The following EIF3B variants were observed in gnomAD, a reference collection of about 807,000 sequenced individuals.
EIF3B encodes the protein eukaryotic translation initiation factor 3 subunit B.
A neutral mutation model predicts 104.6 loss-of-function variants in EIF3B; 10 were observed. The observed-to-expected ratio is 0.10, with a 90% CI of 0.06 to 0.16. EIF3B has a LOEUF of 0.16. EIF3B is among the 10% of genes least tolerant of loss of function. The pLI, the probability that EIF3B is intolerant of heterozygous loss-of-function variation, is 1.00. For synonymous variants in EIF3B, 542 were observed against 417.2 expected (o/e 1.30, Z -3.65); for missense variants, 1,014 against 1,087.9 (o/e 0.93, Z 0.96).
At chr7:2,376,388 T>TGAACACTTA (rs1422054344) in intron 14 of EIF3B, 1 of 150,934 alleles carries the variant, frequency 6.6e-6, no homozygotes, top group African/African-American at 2.4e-5. Flanking sequence ...CCTTGAGTTA[T>TGAACACTTA]GAACACTTAG....
chr7:2,379,473 C>G lies in EIF3B; in HGVS notation c.2421C>G (p.Ile807Met), dbSNP rs1364827221. 1 of 1,581,282 alleles carries G rather than the reference C, an allele frequency of 6.3e-7. No homozygotes were observed. The highest frequency in any genetic ancestry group is 1.2e-5 in the South Asian group (1 of 86,282). The change falls in exon 18 of 19, where the codon ATC (isoleucine) becomes ATG (methionine). Residue 807 changes from isoleucine to methionine, a missense_variant. Coordinates refer to ENST00000360876, the MANE Select transcript of EIF3B (RefSeq NM_001037283.2). Reference sequence around the variant, plus strand: ...TTGAGTTCTTCGTCACTGAAGAAATCATTCCCCTCGGGAATCAGGAGTGAC... The same window carrying G: ...TTGAGTTCTTCGTCACTGAAGAAATGATTCCCCTCGGGAATCAGGAGTGAC... The part of the protein sequence containing the change: ...ETIEFFVTEE[I>M]IPLGNQE
chr7:2,378,897 C>T lies in EIF3B; in HGVS notation c.2232+131C>T, dbSNP rs981381803. On this transcript the variant is annotated intron_variant, in intron 16 of 18. Coordinates refer to ENST00000360876, the MANE Select transcript of EIF3B (RefSeq NM_001037283.2). Reference sequence around the variant, plus strand: ...CGAAGACACTGGTTCTGTTCCCCCCCAGGAGGGATGCACTGGGGAACTGGG... The same window carrying T: ...CGAAGACACTGGTTCTGTTCCCCCCTAGGAGGGATGCACTGGGGAACTGGG... The T allele has an allele frequency of 4.5e-6, 4 of 880,564 alleles. No homozygotes were observed. The Admixed American group carries it at 6.9e-5, about 15-fold the overall frequency. 54.5% of individuals were successfully genotyped at this position (880,564 alleles called of 1,614,324 possible).
At position 2,363,125 on chromosome 7, in the gene EIF3B, C is replaced by G; in HGVS notation, c.868C>G (p.Leu290Val). Residue 290 changes from leucine to valine, a missense_variant and splice_region_variant, in exon 4 of 19, where the codon CTG (leucine) becomes GTG (valine). Coordinates refer to ENST00000360876, the MANE Select transcript of EIF3B (RefSeq NM_001037283.2). ...TCCAGAGAAACAGCCTTTCAAAGACCTGGTGAGTGGCCTGAAACCTACATC... is the reference window on the plus strand; with the variant it reads ...TCCAGAGAAACAGCCTTTCAAAGACGTGGTGAGTGGCCTGAAACCTACATC... Reference protein sequence around the residue: ...DIPEKQPFKDLGNLRYWLEEA... With the variant: ...DIPEKQPFKDVGNLRYWLEEA... 6.2e-7 allele frequency: 1 copy of G among 1,613,934 alleles called. No homozygotes were observed.
At chr7:2,378,921 G>A (rs1323022053) in intron 16 of EIF3B, 155 bp downstream of exon 16, 1 of 770,908 alleles carries the variant, frequency 1.3e-6, no homozygotes, top group Non-Finnish European at 2.1e-6. Context: ...TGGGGAACTG[G>A]GGTTGGCACG....
chr7:2,364,277 G>A (rs1186068481), intron 5 of EIF3B, 95 bp from the exon 6 acceptor site: 3 of 1,205,732 alleles, frequency 2.5e-6, no homozygotes, highest in East Asian at 5.2e-5. Flanking sequence ...AAAAAAGTTT[G>A]TAGAACAGAT....
At chr7:2,377,549 C>T (rs1441754580) in intron 15 of EIF3B, among the ~76,000 whole-genome samples, 23 of 114,218 alleles carry the variant, frequency 2.0e-4, no homozygotes, top group East Asian at 2.5e-4. Context: ...GGAGCAGGCA[C>T]GAGCGCTCCT....
chr7:2,363,219 G>A (rs1314433098), intron 4 of EIF3B, 92 bp downstream of exon 4: 3 of 1,284,066 alleles, frequency 2.3e-6, no homozygotes, highest in Non-Finnish European at 3.4e-6. Flanking sequence ...TAGGGAGGCT[G>A]AGGTGGGAGG....
chr7:2,362,434 C>T lies in EIF3B; in HGVS notation c.693-211C>T, dbSNP rs139955600. ...ATAATTATGATAATGAAACTAGAGA[C>T]TTCGGATCTTCTGGTTAGGATTTCC... On this transcript the variant is annotated intron_variant, in intron 2 of 18. Transcript: ENST00000360876. Among the ~76,000 whole-genome samples the T allele has an allele frequency of 6.6e-3, 1,005 of 152,286 alleles. 9 individuals carry two copies. Among genetic ancestry groups the T allele is most frequent in the African/African-American group, 0.023 (964 of 41,556 alleles).
In EIF3B at chr7:2,366,321, C is replaced by A; in HGVS notation, c.1162C>A (p.Leu388Met). 1 of 1,606,018 alleles carries A rather than the reference C, an allele frequency of 6.2e-7. No individual in the cohort carries two copies. The highest frequency in any genetic ancestry group is 8.5e-7 in the Non-Finnish European group (1 of 1,176,646). ...LIDFSPCERY[L>M]VTFSPLMDTQ... The stretch of plus-strand genomic sequence containing the variant: ...AGTGTTGCCCTTCTCTTCTAGGTAC[C>A]TGGTGACCTTTAGCCCCCTGATGGA... Residue 388 changes from leucine to methionine, a missense_variant, in exon 7 of 19, where the codon CTG becomes ATG. Leu to Met is a conservative substitution (Grantham distance 15). Coordinates refer to ENST00000360876, the MANE Select transcript of EIF3B (RefSeq NM_001037283.2).
intron 15 of EIF3B, chr7:2,378,417 T>G (rs148089116): frequency 1.2e-5 from 3 of 253,120 alleles, no homozygotes; most frequent in Non-Finnish European, 1.3e-5. Flanking sequence ...CTGGGTGTCA[T>G]GGAGGAAGGA....
At chr7:2,362,528 G>A in intron 2 of EIF3B, 117 bp from the exon 3 acceptor site, 1 of 1,316,442 alleles carries the variant, frequency 7.6e-7, no homozygotes, top group Non-Finnish European at 1.1e-6. Context: ...GAGGCAGGAA[G>A]AGCAGCACAG....
chr7:2,378,890 TC>T (rs1303804120), intron 16 of EIF3B, 124 bp downstream of exon 16: 23 of 924,780 alleles, frequency 2.5e-5, no homozygotes, highest in Non-Finnish European at 3.2e-5. Flanking sequence ...CTGGTTCTGT[TC>T]CCCCCCAGGA....
intron 15 of EIF3B, 58 bp downstream of exon 15, chr7:2,377,133 A>C: frequency 1.3e-6 from 2 of 1,542,652 alleles, no homozygotes; most frequent in Non-Finnish European, 1.7e-6. Flanking sequence ...GGCGTTGAAA[A>C]GGTGTCAGTT....
chr7:2,368,891 A>G (rs1251344139), intron 9 of EIF3B, among the ~76,000 whole-genome samples: 1 of 152,242 alleles, frequency 6.6e-6, no homozygotes, highest in South Asian at 2.1e-4. Flanking sequence ...ATGGCTTATA[A>G]AATGAAAAGA....
At chr7:2,372,265 G>GAA in intron 11 of EIF3B, 1 of 228,760 alleles carries the variant, frequency 4.4e-6, no homozygotes, top group South Asian at 8.5e-5. Flanking sequence ...TTGCCATGGA[G>GAA]AAAAGGAGGA....
intron 8 of EIF3B, 122 bp from the exon 9 acceptor site, chr7:2,366,877 G>A (rs1780055308): frequency 9.4e-7 from 1 of 1,061,852 alleles, no homozygotes; most frequent in South Asian, 1.4e-5. Context: ...GTCACGCTCT[G>A]TGTGCACTGC....
At chr7:2,366,950 GAC>G (rs1562483278) in intron 8 of EIF3B, 47 bp from the exon 9 acceptor site, 5 of 1,578,642 alleles carry the variant, frequency 3.2e-6, no homozygotes, top group Non-Finnish European at 4.3e-6. Context: ...GTGTTTCTGA[GAC>G]ACTGACATGA....
At position 2,354,877 on chromosome 7, in the gene EIF3B, A is replaced by C; in HGVS notation, c.-45A>C. On this transcript the variant is annotated 5_prime_UTR_variant, in exon 1 of 19. Coordinates refer to ENST00000360876, the MANE Select transcript of EIF3B (RefSeq NM_001037283.2). ...GCGCGGTGCGGCCTGGGAGAGTCGG[A>C]AGCGCGGCGGCCGCGGAGCCCTGCG... 1 of 1,138,362 alleles carries C rather than the reference A, an allele frequency of 8.8e-7. No homozygotes were observed. Among genetic ancestry groups the C allele is most frequent in the Non-Finnish European group, 1.1e-6 (1 of 929,790 alleles). 70.5% of individuals were successfully genotyped at this position (1,138,362 alleles called of 1,614,324 possible).
At chr7:2,356,120 C>G (rs761427631) in intron 1 of EIF3B, among the ~76,000 whole-genome samples, 13 of 152,180 alleles carry the variant, frequency 8.5e-5, no homozygotes, top group Admixed American at 3.3e-4. Flanking sequence ...CTGATGAGAG[C>G]TGGTCTCATT....
Sources: allele counts gnomAD v4.1 joint callset (sites outside exome capture counted in the v4.1 genomes callset), GRCh38; gene constraint gnomAD v4.1.1; transcripts MANE v1.5; gene names NCBI Gene and HGNC (gene_info 2026-07-23, HGNC 2026-07-21).